Variants in CERS6 observed in about 807,000 individuals in gnomAD.
CERS6 encodes the protein LAG1 homolog, ceramide synthase 6.
Under a neutral mutation model 56.8 loss-of-function variants are expected in CERS6, and 26 were observed. That is an observed-to-expected ratio of 0.46 (90% CI 0.34 to 0.63). CERS6 has a LOEUF of 0.63. Ranked by LOEUF, CERS6 falls within the 30% of genes least tolerant of loss-of-function variation. The pLI is 0.01. For missense variants in CERS6, 415 were observed against 467.5 expected, an observed-to-expected ratio of 0.89 and a Z score of 1.04; for synonymous variants, 164 against 173.3, an observed-to-expected ratio of 0.95 and a Z score of 0.42.
At chr2:168,525,254 C>T (rs1695050718) in intron 1 of CERS6, among the ~76,000 whole-genome samples, 1 of 152,198 alleles carries the variant, frequency 6.6e-6, no homozygotes. Context: ...GTTGCTAGGC[C>T]CCACGCCCAG....
chr2:168,521,757 C>G (rs2105356726), intron 1 of CERS6, among the ~76,000 whole-genome samples: 1 of 152,304 alleles, frequency 6.6e-6, no homozygotes, highest in East Asian at 1.9e-4. Flanking sequence ...CAAAGATTTC[C>G]AAGGTCTGCG....
At position 168,765,723 on chromosome 2, in the gene CERS6, C is replaced by A. The variant is rs1684713648; in HGVS notation, c.977C>A (p.Ala326Asp). ...CFWSYLIVKI[A>D]CKAVSRGKVS... ...TGGTCTTACTTGATTGTGAAAATAG[C>A]TTGCAAAGCTGTTTCAAGAGGCAAG... is the stretch of plus-strand genomic sequence containing the variant. The change falls in exon 9 of 10, where the codon GCT becomes GAT. Residue 326 changes from alanine to aspartate, a missense_variant. By Grantham distance (126) the Ala-to-Asp change is moderately radical (BLOSUM62 -2). Transcript: ENST00000305747. 1 of 1,613,198 alleles carries A rather than the reference C, an allele frequency of 6.2e-7. No individual in the cohort carries two copies. The highest frequency in any genetic ancestry group is 8.5e-7 in the Non-Finnish European group (1 of 1,179,670).
chr2:168,498,712 G>A (rs935037464), intron 1 of CERS6, among the ~76,000 whole-genome samples: 4 of 152,202 alleles, frequency 2.6e-5, no homozygotes, highest in Admixed American at 2.0e-4. Flanking sequence ...CCAGAACCAC[G>A]CCGTGGCTGG....
intron 3 of CERS6, among the ~76,000 whole-genome samples, chr2:168,609,924 G>A (rs1286064110): frequency 1.3e-5 from 2 of 150,046 alleles, no homozygotes; most frequent in South Asian, 2.1e-4. Flanking sequence ...GAAAATAGAG[G>A]TAACTCCAAA....
At chr2:168,724,732 C>A (rs1683293004) in intron 8 of CERS6, among the ~76,000 whole-genome samples, 1 of 151,462 alleles carries the variant, frequency 6.6e-6, no homozygotes, top group Non-Finnish European at 1.5e-5. Context: ...TGTTTACAAA[C>A]CTTGAGTTTG....
chr2:168,457,356 G>C (rs1349766075), intron 1 of CERS6, among the ~76,000 whole-genome samples: 1 of 152,084 alleles, frequency 6.6e-6, no homozygotes, highest in Non-Finnish European at 1.5e-5. Flanking sequence ...TTTGGTACTC[G>C]AAGGCACTTA....
At chr2:168,639,738 G>A (rs1296441695) in intron 4 of CERS6, among the ~76,000 whole-genome samples, 1 of 152,094 alleles carries the variant, frequency 6.6e-6, no homozygotes, top group African/African-American at 2.4e-5. Flanking sequence ...AATTCCGATT[G>A]GACCAGCTCA....
intron 4 of CERS6, among the ~76,000 whole-genome samples, chr2:168,632,926 G>A (rs1451246937): frequency 6.6e-6 from 1 of 152,044 alleles, no homozygotes; most frequent in South Asian, 2.1e-4. Flanking sequence ...GCTCTCATAC[G>A]GCAATGCGGT....
At chr2:168,736,533 G>C (rs1452078088) in intron 8 of CERS6, among the ~76,000 whole-genome samples, 1 of 151,992 alleles carries the variant, frequency 6.6e-6, no homozygotes, top group Non-Finnish European at 1.5e-5. Context: ...ATCTCACCAT[G>C]ATTTCCAGCC....
At chr2:168,465,418 G>T (rs752498077) in intron 1 of CERS6, among the ~76,000 whole-genome samples, 12 of 152,120 alleles carry the variant, frequency 7.9e-5, no homozygotes, top group Non-Finnish European at 1.6e-4. Flanking sequence ...CTATTCATGA[G>T]GGTTCAACCC....
At chr2:168,690,720 C>T (rs1412271702) in intron 4 of CERS6, among the ~76,000 whole-genome samples, 1 of 152,094 alleles carries the variant, frequency 6.6e-6, no homozygotes, top group African/African-American at 2.4e-5. Flanking sequence ...CCCCTGCAGG[C>T]CCCTGCTGTT....
chr2:168,629,696 A>T (rs1418833105), intron 3 of CERS6, among the ~76,000 whole-genome samples: 2 of 152,220 alleles, frequency 1.3e-5, no homozygotes, highest in Non-Finnish European at 2.9e-5. Context: ...ACCCATGAAG[A>T]TATCCCTGGT....
At chr2:168,738,257 G>A (rs955210144) in intron 8 of CERS6, among the ~76,000 whole-genome samples, 2 of 152,196 alleles carry the variant, frequency 1.3e-5, no homozygotes, top group Admixed American at 6.5e-5. Flanking sequence ...CACAGGGCTT[G>A]TTACATGTGA....
intron 3 of CERS6, among the ~76,000 whole-genome samples, chr2:168,605,178 G>T (rs753673083): frequency 6.6e-6 from 1 of 152,222 alleles, no homozygotes; most frequent in Non-Finnish European, 1.5e-5. Context: ...GGAACTTATT[G>T]GGAACTGGAG....
rs1251821151 is a variant in CERS6, at chr2:168,456,797, A to G, written c.170+179A>G. Among the ~76,000 whole-genome samples, 1 of 152,044 alleles carries G rather than the reference A, an allele frequency of 6.6e-6. No individual in the cohort carries two copies. Among genetic ancestry groups the G allele is most frequent in the African/African-American group, 2.4e-5 (1 of 41,402 alleles). Reference sequence around the variant, plus strand: ...CCCGCTGGCTTTCTGGGAGCCAGAAAGGGTCTGGCTTGCCACGGATTTCCT... The same window carrying G: ...CCCGCTGGCTTTCTGGGAGCCAGAAGGGGTCTGGCTTGCCACGGATTTCCT... On this transcript the variant is annotated intron_variant, in intron 1 of 9. Coordinates refer to ENST00000305747, the MANE Select transcript of CERS6 (RefSeq NM_203463.3). This position sits in a 1 kb window ranked among gnomAD's most constrained non-coding sequence, Gnocchi z 4.1.
chr2:168,484,889 A>AC (rs1392416609), intron 1 of CERS6, among the ~76,000 whole-genome samples: 1 of 152,146 alleles, frequency 6.6e-6, no homozygotes, highest in Non-Finnish European at 1.5e-5. Flanking sequence ...ATCCCTGGGG[A>AC]CTGAAATAAC....
chr2:168,616,467 C>G (rs550010869), intron 3 of CERS6, among the ~76,000 whole-genome samples: 1 of 152,272 alleles, frequency 6.6e-6, no homozygotes, highest in South Asian at 2.1e-4. Context: ...ATTCACCAAC[C>G]AACTATTGCT....
rs1274120137 is a variant in CERS6, at chr2:168,774,165, T to A, written c.*4503T>A. 1.3e-5 allele frequency: 2 copies of A among 152,052 alleles called. No homozygotes were observed. The highest frequency in any genetic ancestry group is 4.8e-5 in the African/African-American group (2 of 41,384). The allele number at this position is 152,052 out of a possible 1,614,324, so 9.4% of individuals were successfully genotyped here. ...GGGTCTAACACGGGACCTAAGAAAGTCTCTGCAGCCAGATAGTACATGGTG... is the reference window on the plus strand; with the variant it reads ...GGGTCTAACACGGGACCTAAGAAAGACTCTGCAGCCAGATAGTACATGGTG... On this transcript the variant is annotated 3_prime_UTR_variant, in exon 10 of 10. Coordinates refer to ENST00000305747, the MANE Select transcript of CERS6 (RefSeq NM_203463.3).
chr2:168,643,986 A>T (rs931643558), intron 4 of CERS6, among the ~76,000 whole-genome samples: 2 of 152,224 alleles, frequency 1.3e-5, no homozygotes, highest in Admixed American at 1.3e-4. Context: ...CTGATCTCTG[A>T]GAAGGCATTC....
Sources: gnomAD v4.1 joint callset for allele counts (sites outside exome capture counted in the v4.1 genomes callset) on GRCh38, gnomAD v4.1.1 for gene constraint, Gnocchi (gnomAD v3.1) non-coding constraint, MANE v1.5 for transcripts, NCBI Gene and HGNC (gene_info 2026-07-23, HGNC 2026-07-21) for gene names.